PIK3C2G: variants seen among roughly 807,000 people sequenced by gnomAD.
PIK3C2G encodes phosphatidylinositol-4-phosphate 3-kinase catalytic subunit type 2 gamma.
Under a neutral mutation model 181.1 loss-of-function variants are expected in PIK3C2G, and 168 were observed. The ratio of observed to expected loss-of-function variants is 0.93; its 90% CI spans 0.82 to 1.05. PIK3C2G has a LOEUF of 1.05. Ranked by LOEUF, PIK3C2G falls within the 50% of genes least tolerant of loss-of-function variation. The pLI is 0.00. For synonymous variants in PIK3C2G, 573 were observed against 592.2 expected (o/e 0.97, Z 0.47); for missense variants, 1,869 against 1,732.8 (o/e 1.08, Z -1.40).
intron 1 of PIK3C2G, among the ~76,000 whole-genome samples, chr12:18,267,379 T>C (rs1483122307): frequency 6.6e-6 from 1 of 151,830 alleles, no homozygotes; most frequent in East Asian, 1.9e-4. Flanking sequence ...ATAGATCACA[T>C]ATAACTACTG....
At chr12:18,714,135 G>T in the PIK3C2G span, among the ~76,000 whole-genome samples, 3 of 152,134 alleles carry the variant, frequency 2.0e-5, no homozygotes, top group African/African-American at 7.2e-5. Context: ...ACTACCAAGA[G>T]TTCACTCAAA....
chr12:18,698,115 G>T, the PIK3C2G span, among the ~76,000 whole-genome samples: 1 of 151,540 alleles, frequency 6.6e-6, no homozygotes, highest in Non-Finnish European at 1.5e-5. Context: ...GACCAGTAAA[G>T]CATGTCATTC....
chr12:18,682,292 C>T, the PIK3C2G span, among the ~76,000 whole-genome samples: 3 of 152,128 alleles, frequency 2.0e-5, no homozygotes, highest in South Asian at 2.1e-4. Flanking sequence ...AAAGATATCA[C>T]GTGTTAGTAC....
At chr12:18,357,691 G>T (rs1940877334) in intron 11 of PIK3C2G, among the ~76,000 whole-genome samples, 1 of 152,134 alleles carries the variant, frequency 6.6e-6, no homozygotes, top group African/African-American at 2.4e-5. Flanking sequence ...AAGTTTAATT[G>T]TAAAGTACAG....
chr12:18,362,952 T>A (rs1356230828), intron 12 of PIK3C2G, 66 bp downstream of exon 12: 1 of 1,291,058 alleles, frequency 7.7e-7, no homozygotes. Context: ...CCCCCTTTTT[T>A]TAAAAGCAAG....
chr12:18,687,554 A>G, the PIK3C2G span, among the ~76,000 whole-genome samples: 1 of 152,154 alleles, frequency 6.6e-6, no homozygotes, highest in Non-Finnish European at 1.5e-5. Flanking sequence ...AATGATGAAA[A>G]TCTTACCAAA....
At chr12:18,590,191 G>C (rs1371439525) in intron 29 of PIK3C2G, among the ~76,000 whole-genome samples, 2 of 148,726 alleles carry the variant, frequency 1.3e-5, no homozygotes, top group African/African-American at 4.9e-5. Flanking sequence ...TCTTCATAAT[G>C]TGAGAATCTT....
At chr12:18,595,466 T>C (rs542134635) in intron 30 of PIK3C2G, among the ~76,000 whole-genome samples, 1 of 152,158 alleles carries the variant, frequency 6.6e-6, no homozygotes, top group South Asian at 2.1e-4. Flanking sequence ...GATACCTGTG[T>C]ATCTAGGCAC....
At chr12:18,664,495 T>C in the PIK3C2G span, among the ~76,000 whole-genome samples, 2 of 152,290 alleles carry the variant, frequency 1.3e-5, no homozygotes, top group East Asian at 1.9e-4. Context: ...GAGGGCATTA[T>C]GCTAAGTGAA....
chr12:18,654,032 G>A, the PIK3C2G span, among the ~76,000 whole-genome samples: 1 of 152,030 alleles, frequency 6.6e-6, no homozygotes, highest in Admixed American at 6.6e-5. Flanking sequence ...CTTACTATCA[G>A]AGCAATGGTA....
chr12:18,296,735 TTC>T (rs537127227), intron 5 of PIK3C2G, among the ~76,000 whole-genome samples: 9 of 151,958 alleles, frequency 5.9e-5, no homozygotes, highest in South Asian at 4.1e-4. Flanking sequence ...CACTTTCATT[TTC>T]TCTCTCTCTC....
At chr12:18,572,708 C>A (rs1179492609) in intron 29 of PIK3C2G, among the ~76,000 whole-genome samples, 1 of 151,970 alleles carries the variant, frequency 6.6e-6, no homozygotes, top group African/African-American at 2.4e-5. Flanking sequence ...ACTGTAATAA[C>A]ATATATGTTA....
rs80051094 is a variant in PIK3C2G, at chr12:18,626,987, C to T, written c.4183-13442C>T. On this transcript the variant is annotated intron_variant, in intron 31 of 32. Transcript: ENST00000538779. The stretch of plus-strand genomic sequence containing the variant: ...GCTTTGTGACCCTTGTATTCCTCCT[C>T]TCTGTATTTAATTCCTTTTACTCAT... 1.2e-3 allele frequency among the ~76,000 whole-genome samples: 188 copies of T among 151,972 alleles called. 1 individual carries two copies. The highest frequency in any genetic ancestry group is 4.4e-3 in the African/African-American group (181 of 41,488).
chr12:18,316,666 G>A (rs1344699792), intron 6 of PIK3C2G, among the ~76,000 whole-genome samples: 1 of 151,980 alleles, frequency 6.6e-6, no homozygotes, highest in Non-Finnish European at 1.5e-5. Context: ...AGAGGCAGCG[G>A]TTGCAGTGAG....
intron 18 of PIK3C2G, among the ~76,000 whole-genome samples, chr12:18,439,158 C>A (rs1405454918): frequency 4.0e-5 from 6 of 151,862 alleles, no homozygotes; most frequent in Non-Finnish European, 1.5e-5. Context: ...GTAGAAAAAT[C>A]ACTGTATAAA....
the PIK3C2G span, chr12:18,683,725 C>T: frequency 2.6e-5 from 23 of 893,104 alleles, no homozygotes; most frequent in Non-Finnish European, 3.4e-5. Context: ...GGTAGTCAGC[C>T]CTGAAAAGGG....
At chr12:18,459,522 T>C (rs578202526) in intron 18 of PIK3C2G, among the ~76,000 whole-genome samples, 1 of 152,350 alleles carries the variant, frequency 6.6e-6, no homozygotes, top group South Asian at 2.1e-4. Flanking sequence ...TCCCTGTGAA[T>C]GTGTAGACAA....
intron 16 of PIK3C2G, among the ~76,000 whole-genome samples, chr12:18,402,144 T>C (rs531073486): frequency 3.3e-5 from 5 of 152,164 alleles, no homozygotes; most frequent in African/African-American, 4.8e-5. Context: ...AACTAATCAA[T>C]AGATATGTAA....
intron 29 of PIK3C2G, among the ~76,000 whole-genome samples, chr12:18,569,109 G>A (rs1945791589): frequency 6.6e-6 from 1 of 152,074 alleles, no homozygotes; most frequent in African/African-American, 2.4e-5. Context: ...GAATATGGTG[G>A]AAGTGACCCT....
Sources: gnomAD v4.1 joint callset for allele counts (sites outside exome capture counted in the v4.1 genomes callset) on GRCh38, gnomAD v4.1.1 for gene constraint, MANE v1.5 for transcripts, NCBI Gene and HGNC (gene_info 2026-07-23, HGNC 2026-07-21) for gene names.